The following FRMPD4 variants were observed in gnomAD, a reference collection of about 807,000 sequenced individuals.
FRMPD4 encodes the protein FERM and PDZ domain-containing protein 4.
A neutral mutation model predicts 94.1 loss-of-function variants in FRMPD4; 22 were observed. The ratio of observed to expected loss-of-function variants is 0.23; its 90% CI spans 0.17 to 0.33. FRMPD4 has a LOEUF of 0.33. Among genes scored for constraint, FRMPD4 ranks in the 10% least tolerant of loss-of-function variants. The pLI is 1.00. For missense variants in FRMPD4, 1,111 were observed against 1,339.9 expected (o/e 0.83, Z 2.67); for synonymous variants, 631 against 548.6 (o/e 1.15, Z -2.10).
intron 1 of FRMPD4, among the ~76,000 whole-genome samples, chrX:12,430,535 A>C (rs1268571349): frequency 8.9e-6 from 1 of 112,218 alleles, no homozygotes; most frequent in Non-Finnish European, 1.9e-5. Flanking sequence ...ATGATCAATA[A>C]ATGGATGAAT....
intron 3 of FRMPD4, among the ~76,000 whole-genome samples, chrX:11,903,406 C>T (rs1216954887): frequency 1.8e-5 from 2 of 112,305 alleles, no homozygotes; most frequent in Non-Finnish European, 3.8e-5. Flanking sequence ...TTCCTTGAGC[C>T]AGAACCTCAA....
At chrX:12,569,711 G>A (rs151261118) in intron 2 of FRMPD4, among the ~76,000 whole-genome samples, 1 of 112,269 alleles carries the variant, frequency 8.9e-6, no homozygotes, top group Non-Finnish European at 1.9e-5. Flanking sequence ...AACAAAAGAG[G>A]TATCAGTGGA....
At chrX:12,219,413 G>A (rs1268452810) in intron 1 of FRMPD4, among the ~76,000 whole-genome samples, 1 of 111,567 alleles carries the variant, frequency 9.0e-6, no homozygotes, top group Admixed American at 9.5e-5. Flanking sequence ...AGCAGGCTCT[G>A]ATGCCTTAGT....
At chrX:12,694,510 G>T in intron 9 of FRMPD4, 56 bp downstream of exon 9, 1 of 947,978 alleles carries the variant, frequency 1.1e-6, no homozygotes, top group Non-Finnish European at 1.5e-6. Flanking sequence ...ACTAACTCTG[G>T]GGCTTTGCCC....
At chrX:12,082,773 G>C (rs929385249) in intron 3 of FRMPD4, among the ~76,000 whole-genome samples, 6 of 111,671 alleles carry the variant, frequency 5.4e-5, no homozygotes, top group Non-Finnish European at 1.1e-4. Flanking sequence ...CTAGAGCAAA[G>C]ATGACTCTTG....
intron 3 of FRMPD4, among the ~76,000 whole-genome samples, chrX:11,966,173 T>C (rs1334857220): frequency 9.0e-6 from 1 of 111,720 alleles, no homozygotes; most frequent in Non-Finnish European, 1.9e-5. Flanking sequence ...TAATATGCTA[T>C]GGTCTGGATG....
At chrX:12,331,707 A>AATATATAC (rs752790229) in intron 1 of FRMPD4, among the ~76,000 whole-genome samples, 1 of 47,117 alleles carries the variant, frequency 2.1e-5, no homozygotes, top group Non-Finnish European at 3.6e-5. Flanking sequence ...TAAATATATA[A>AATATATAC]TATATAATTT....
chrX:12,467,999 G>C (rs972936064), intron 1 of FRMPD4, among the ~76,000 whole-genome samples: 1 of 112,001 alleles, frequency 8.9e-6, no homozygotes, highest in Non-Finnish European at 1.9e-5. Flanking sequence ...TCATGAAAAG[G>C]TCCATTTTGT....
At chrX:11,919,476 G>A (rs2054043701) in intron 3 of FRMPD4, among the ~76,000 whole-genome samples, 1 of 111,154 alleles carries the variant, frequency 9.0e-6, no homozygotes, top group African/African-American at 3.3e-5. Flanking sequence ...GTGCACAGGG[G>A]ATCATCAGTG....
At chrX:12,633,478 C>A (rs1445611709) in intron 4 of FRMPD4, among the ~76,000 whole-genome samples, 1 of 111,768 alleles carries the variant, frequency 8.9e-6, no homozygotes, top group Non-Finnish European at 1.9e-5. Flanking sequence ...AGTAGCATCC[C>A]CTAAAACCTT....
chrX:12,137,243 C>A (rs1383661585), upstream of FRMPD4, among the ~76,000 whole-genome samples: 1 of 111,927 alleles, frequency 8.9e-6, no homozygotes, highest in Non-Finnish European at 1.9e-5. Context: ...TAATTTTATG[C>A]CTGAGTTTTA....
chrX:12,716,000 C>T, intron 14 of FRMPD4, 69 bp from the exon 15 acceptor site: 1 of 334,685 alleles, frequency 3.0e-6, no homozygotes, highest in Non-Finnish European at 5.4e-6. Context: ...AGAGACGAGC[C>T]TCCCACCCCC....
chrX:12,292,650 G>A (rs886323861), intron 1 of FRMPD4, among the ~76,000 whole-genome samples: 2 of 111,684 alleles, frequency 1.8e-5, no homozygotes, highest in African/African-American at 3.3e-5. Context: ...GTCACATAAC[G>A]AACAAATTGA....
intron 1 of FRMPD4, among the ~76,000 whole-genome samples, chrX:12,343,775 C>T (rs2055656537): frequency 9.0e-6 from 1 of 111,719 alleles, no homozygotes; most frequent in African/African-American, 3.3e-5. Flanking sequence ...TATTGGTCTC[C>T]ACATTTGCCG....
intron 2 of FRMPD4, among the ~76,000 whole-genome samples, chrX:12,538,862 T>G (rs1392130129): frequency 9.0e-6 from 1 of 111,260 alleles, no homozygotes; most frequent in East Asian, 2.8e-4. Flanking sequence ...GGAAAAAACA[T>G]AGCAGAAAAG....
intron 2 of FRMPD4, among the ~76,000 whole-genome samples, chrX:12,581,985 A>G (rs1348153273): frequency 8.9e-6 from 1 of 112,011 alleles, no homozygotes; most frequent in Non-Finnish European, 1.9e-5. Context: ...TTTGATCTCC[A>G]TATTTTACTA....
At chrX:11,875,414 AAG>A (rs2053777515) in intron 2 of FRMPD4, among the ~76,000 whole-genome samples, 1 of 111,975 alleles carries the variant, frequency 8.9e-6, no homozygotes. Context: ...TAAAAAAGGA[AAG>A]AAAAATCCAC....
chrX:12,459,678 ATTTG>A (rs1280873004), intron 1 of FRMPD4, among the ~76,000 whole-genome samples: 2 of 111,861 alleles, frequency 1.8e-5, no homozygotes, highest in East Asian at 2.8e-4. Context: ...ATATACCATA[ATTTG>A]TTTATTCATT....
chrX:12,367,169 G>T (rs1283228229), intron 1 of FRMPD4, among the ~76,000 whole-genome samples: 2 of 111,767 alleles, frequency 1.8e-5, no homozygotes, highest in African/African-American at 6.5e-5. Flanking sequence ...CTTAGTGGGG[G>T]AAGAACAGGA....
Sources: allele counts gnomAD v4.1 joint callset (sites outside exome capture counted in the v4.1 genomes callset), GRCh38; gene constraint gnomAD v4.1.1; transcripts MANE v1.5; gene names NCBI Gene and HGNC (gene_info 2026-07-23, HGNC 2026-07-21).